The following DAPL1 variants were observed in gnomAD, a reference collection of about 807,000 sequenced individuals.
DAPL1 encodes the protein death associated protein like 1.
In DAPL1, 17 loss-of-function variants were observed where a neutral mutation model predicts 12.9. The ratio of observed to expected loss-of-function variants is 1.32; its 90% CI spans 0.90 to 1.98. The LOEUF is 1.98. Ranked by LOEUF, DAPL1 falls within the 30% of genes most tolerant of loss-of-function variation. The pLI is 0.00. For synonymous variants in DAPL1, 51 were observed against 42.0 expected (o/e 1.21, Z -0.82); for missense variants, 157 against 125.7 (o/e 1.25, Z -1.19).
intron 3 of DAPL1, among the ~76,000 whole-genome samples, chr2:158,813,101 G>T (rs2059240438): frequency 6.6e-6 from 1 of 152,154 alleles, no homozygotes; most frequent in African/African-American, 2.4e-5. Flanking sequence ...GGACCTTGAA[G>T]ACATTATGCT....
chr2:158,800,080 A>T (rs961755694), intron 1 of DAPL1, among the ~76,000 whole-genome samples: 11 of 136,318 alleles, frequency 8.1e-5, no homozygotes, highest in Non-Finnish European at 1.3e-4. Context: ...AAAAAAAAAA[A>T]ATTTGGCATT....
At chr2:158,813,747 G>A (rs1041174606) in intron 3 of DAPL1, among the ~76,000 whole-genome samples, 7 of 151,958 alleles carry the variant, frequency 4.6e-5, no homozygotes, top group Admixed American at 6.6e-5. Flanking sequence ...AGTAGAGATG[G>A]GGTTTCACCG....
chr2:158,815,665 G>A (rs190374543), intron 3 of DAPL1, 40 bp from the exon 4 acceptor site: 2 of 1,219,414 alleles, frequency 1.6e-6, no homozygotes, highest in African/African-American at 1.5e-5. Context: ...TGACCAAGAA[G>A]ATCCAATATG....
intron 2 of DAPL1, among the ~76,000 whole-genome samples, chr2:158,805,563 T>G (rs2059196579): frequency 6.7e-6 from 1 of 149,504 alleles, no homozygotes; most frequent in South Asian, 2.1e-4. Flanking sequence ...GCCCTGCTTA[T>G]TGTGACATTA....
intron 3 of DAPL1, among the ~76,000 whole-genome samples, chr2:158,808,106 C>T (rs541226012): frequency 6.6e-6 from 1 of 152,264 alleles, no homozygotes; most frequent in South Asian, 2.1e-4. Flanking sequence ...ACATTACAGT[C>T]AAGGTAATAT....
chr2:158,804,165 T>C, intron 1 of DAPL1, 117 bp from the exon 2 acceptor site: 1 of 694,568 alleles, frequency 1.4e-6, no homozygotes. Context: ...TACAAACGTT[T>C]AGATCTTTAA....
chr2:158,815,777 C>G lies in DAPL1; in HGVS notation c.280C>G (p.Pro94Ala), dbSNP rs2059257901. 6.2e-7 allele frequency: 1 copy of G among 1,613,886 alleles called. No homozygotes were observed. Among genetic ancestry groups the G allele is most frequent in the African/African-American group, 1.3e-5 (1 of 74,914 alleles). Residue 94 changes from proline (P) to alanine (A), a missense_variant, in exon 4 of 4, where the codon CCA becomes GCA. Transcript: ENST00000309950. ...CACACCTGCTCTGGAAAAGGTTGTTCCACTGAAAAGGATCTACATTATTCA... is the reference window on the plus strand; with the variant it reads ...CACACCTGCTCTGGAAAAGGTTGTTGCACTGAAAAGGATCTACATTATTCA... The part of the protein sequence containing the change: ...KPTPALEKVV[P>A]LKRIYIIQQP...
intron 1 of DAPL1, among the ~76,000 whole-genome samples, chr2:158,796,158 C>G (rs2059133464): frequency 6.6e-6 from 1 of 152,042 alleles, no homozygotes; most frequent in Non-Finnish European, 1.5e-5. Context: ...GTGTACAGGC[C>G]TATTTTTAGT....
Position 158,805,741 on chromosome 2 carries a change from G to C in DAPL1, c.147-1314G>C, listed in dbSNP as rs929685831. Among the ~76,000 whole-genome samples the C allele has an allele frequency of 1.0e-4, 15 of 148,620 alleles. 3 individuals carry two copies. The highest frequency in any genetic ancestry group is 2.0e-4 in the Non-Finnish European group (13 of 66,354). ...ACAATGCAGGCAGGGGAGTTGGCTA[G>C]AGAGTAATAAGATGGTGATTGGAAT... On this transcript the variant is annotated intron_variant, in intron 2 of 3. Transcript: ENST00000309950.
intron 1 of DAPL1, among the ~76,000 whole-genome samples, chr2:158,798,765 G>A (rs1263534788): frequency 1.3e-5 from 2 of 151,972 alleles, no homozygotes; most frequent in Non-Finnish European, 2.9e-5. Flanking sequence ...TTGATTGGCA[G>A]CCTAAAATTT....
At chr2:158,811,447 T>A (rs1367936267) in intron 3 of DAPL1, among the ~76,000 whole-genome samples, 1 of 152,168 alleles carries the variant, frequency 6.6e-6, no homozygotes, top group African/African-American at 2.4e-5. Flanking sequence ...ACTACCCAAC[T>A]TCAGGCTCTA....
At chr2:158,808,348 A>G (rs1468387687) in intron 3 of DAPL1, among the ~76,000 whole-genome samples, 1 of 152,238 alleles carries the variant, frequency 6.6e-6, no homozygotes, top group African/African-American at 2.4e-5. Flanking sequence ...ACATGTGTGT[A>G]TAATGGAGGT....
At chr2:158,795,510 C>T in intron 1 of DAPL1, 80 bp downstream of exon 1, 1 of 1,341,206 alleles carries the variant, frequency 7.5e-7, no homozygotes, top group Non-Finnish European at 1.0e-6. Flanking sequence ...AGCACCCCGA[C>T]AGACGGAAGC....
At chr2:158,797,815 G>A (rs2059143327) in intron 1 of DAPL1, among the ~76,000 whole-genome samples, 2 of 151,738 alleles carry the variant, frequency 1.3e-5, no homozygotes, top group African/African-American at 4.8e-5. Context: ...TCACTTAGAA[G>A]TCAGCCTGCT....
intron 2 of DAPL1, 37 bp from the exon 3 acceptor site, chr2:158,807,018 T>G (rs751285800): frequency 3.2e-6 from 5 of 1,584,296 alleles, no homozygotes; most frequent in Non-Finnish European, 4.3e-6. Flanking sequence ...GGGAAAATTT[T>G]TTAAGTCCTG....
At chr2:158,801,327 G>T (rs1463433441) in intron 1 of DAPL1, among the ~76,000 whole-genome samples, 2 of 152,138 alleles carry the variant, frequency 1.3e-5, no homozygotes, top group African/African-American at 2.4e-5. Context: ...AAATACTGTT[G>T]GGAGGTGTAT....
chr2:158,807,669 C>CA (rs2059209663), intron 3 of DAPL1: 1 of 152,214 alleles, frequency 6.6e-6, no homozygotes, highest in Admixed American at 6.5e-5. Flanking sequence ...TTCTTTGAGA[C>CA]AGAGTTTCGC....
At chr2:158,799,598 G>A (rs1288082982) in intron 1 of DAPL1, among the ~76,000 whole-genome samples, 2 of 152,076 alleles carry the variant, frequency 1.3e-5, no homozygotes, top group Non-Finnish European at 2.9e-5. Context: ...CCCCAGTGTA[G>A]TGACAGCCCA....
intron 1 of DAPL1, among the ~76,000 whole-genome samples, chr2:158,798,410 G>C (rs1239760438): frequency 1.3e-5 from 2 of 152,206 alleles, no homozygotes; most frequent in Non-Finnish European, 2.9e-5. Flanking sequence ...ATTGGAACAG[G>C]ACAGAACCAT....
Sources: allele counts gnomAD v4.1 joint callset (sites outside exome capture counted in the v4.1 genomes callset), GRCh38; gene constraint gnomAD v4.1.1; transcripts MANE v1.5; gene names NCBI Gene and HGNC (gene_info 2026-07-23, HGNC 2026-07-21).